The following ADGRV1 variants were observed in gnomAD, a reference collection of about 807,000 sequenced individuals.
The protein encoded by ADGRV1 is G-protein coupled receptor 98.
In ADGRV1, 359 loss-of-function variants were observed where a neutral mutation model predicts 596.2. The observed-to-expected ratio is 0.60, with a 90% CI of 0.55 to 0.66. The LOEUF is 0.66. Among genes scored for constraint, ADGRV1 ranks in the 30% least tolerant of loss-of-function variants. The pLI is 0.00. For missense variants in ADGRV1, 7,274 were observed against 7,575.6 expected (o/e 0.96, Z 1.48); for synonymous variants, 2,681 against 2,679.2 (o/e 1.00, Z -0.02).
At chr5:90,664,043 G>A (rs1291453926) in intron 21 of ADGRV1, among the ~76,000 whole-genome samples, 3 of 136,284 alleles carry the variant, frequency 2.2e-5, no homozygotes, top group African/African-American at 5.7e-5. Context: ...AAGTCAGGTA[G>A]TGTGATGCCT....
intron 75 of ADGRV1, among the ~76,000 whole-genome samples, chr5:90,819,591 G>A (rs1199780916): frequency 5.3e-5 from 8 of 150,798 alleles, no homozygotes; most frequent in African/African-American, 2.0e-4. Context: ...CTTTGAATGT[G>A]TCCCAGAGAT....
intron 83 of ADGRV1, among the ~76,000 whole-genome samples, chr5:90,888,701 A>T (rs1188871267): frequency 6.6e-6 from 1 of 152,022 alleles, no homozygotes; most frequent in African/African-American, 2.4e-5. Flanking sequence ...CTCCTTTCTT[A>T]TCTAGCCATT....
intron 84 of ADGRV1, among the ~76,000 whole-genome samples, chr5:90,975,161 A>T (rs1439081209): frequency 6.6e-6 from 1 of 151,742 alleles, no homozygotes; most frequent in African/African-American, 2.4e-5. Context: ...ATACCATCTC[A>T]CACCAGTTAG....
intron 83 of ADGRV1, among the ~76,000 whole-genome samples, chr5:90,916,536 A>G (rs2150716492): frequency 6.6e-6 from 1 of 152,230 alleles, no homozygotes; most frequent in South Asian, 2.1e-4. Context: ...ATATAGTTTC[A>G]TCCACAGTGT....
At chr5:90,588,523 G>A (rs1759068127) in intron 1 of ADGRV1, among the ~76,000 whole-genome samples, 2 of 152,204 alleles carry the variant, frequency 1.3e-5, no homozygotes, top group South Asian at 4.1e-4. Flanking sequence ...GTCTGAATGT[G>A]GATGAAGCAG....
At chr5:90,814,262 A>T (rs766243575) in intron 74 of ADGRV1, among the ~76,000 whole-genome samples, 2 of 152,238 alleles carry the variant, frequency 1.3e-5, no homozygotes, top group Non-Finnish European at 2.9e-5. Context: ...AAGGGGCTCC[A>T]CATTTACTTT....
At position 90,840,742 on chromosome 5, in the gene ADGRV1, T is replaced by C. The variant is rs774808055; in HGVS notation, c.16776T>C (p.Pro5592=). 3 of 1,614,032 alleles carry C rather than the reference T, an allele frequency of 1.9e-6. No homozygotes were observed. Among genetic ancestry groups the C allele is most frequent in the Non-Finnish European group, 2.5e-6 (3 of 1,179,878 alleles). The change falls in exon 78 of 90, where the codon CCT becomes CCC. Residue 5592 remains proline (P), a synonymous_variant. Coordinates refer to ENST00000405460, the MANE Select transcript of ADGRV1 (RefSeq NM_032119.4). ...TPETGSLNSF[P]KRFQIVLFDP... Reference sequence around the variant, plus strand: ...AGACAGGATCTTTAAATTCATTTCCTAAACGCTTCCAGATTGTCCTTTTTG... The same window carrying C: ...AGACAGGATCTTTAAATTCATTTCCCAAACGCTTCCAGATTGTCCTTTTTG...
chr5:91,063,717 A>T (rs1787646857), intron 85 of ADGRV1, among the ~76,000 whole-genome samples: 1 of 152,196 alleles, frequency 6.6e-6, no homozygotes, highest in Admixed American at 6.5e-5. Flanking sequence ...CTCAAAGAAC[A>T]TGTTTATGTA....
chr5:90,589,631 T>C (rs1460198614), intron 1 of ADGRV1, among the ~76,000 whole-genome samples: 1 of 152,222 alleles, frequency 6.6e-6, no homozygotes, highest in Non-Finnish European at 1.5e-5. Context: ...AGGAGTTCCC[T>C]GTTTGCTTAT....
At chr5:90,714,564 C>T (rs1749827113) in intron 42 of ADGRV1, among the ~76,000 whole-genome samples, 1 of 151,948 alleles carries the variant, frequency 6.6e-6, no homozygotes, top group Non-Finnish European at 1.5e-5. Context: ...ATATTTTCTA[C>T]TATTTTCATT....
intron 21 of ADGRV1, among the ~76,000 whole-genome samples, chr5:90,658,857 A>T (rs1769819270): frequency 6.6e-6 from 1 of 152,046 alleles, no homozygotes. Context: ...TTTCCTGTTC[A>T]GTAATGTGAG....
Position 90,720,003 on chromosome 5 carries a change from A to G in ADGRV1, c.9448-45A>G, listed in dbSNP as rs1423889298. On this transcript the variant is annotated intron_variant, in intron 43 of 89. Coordinates refer to ENST00000405460, the MANE Select transcript of ADGRV1 (RefSeq NM_032119.4). ...TAGATTTCGCTATATATGTGTTACA[A>G]AAATACTGTATTCTAGTAACCTTAT... 3.3e-6 allele frequency: 5 copies of G among 1,518,118 alleles called. No homozygotes were observed. In the East Asian group the frequency reaches 1.1e-4, roughly 34 times the overall value. 94.0% of individuals were successfully genotyped at this position (1,518,118 alleles called of 1,614,324 possible).
At chr5:90,959,922 G>A (rs1434037156) in intron 83 of ADGRV1, among the ~76,000 whole-genome samples, 9 of 152,026 alleles carry the variant, frequency 5.9e-5, no homozygotes, top group South Asian at 2.1e-4. Flanking sequence ...GGCAGATCAC[G>A]AGGTCAGGAG....
At position 90,722,583 on chromosome 5, in the gene ADGRV1, G is replaced by A. The variant is rs559186632; in HGVS notation, c.9748+1524G>A. Among the ~76,000 whole-genome samples the A allele has an allele frequency of 2.2e-4, 33 of 151,114 alleles. No homozygotes were observed. In the South Asian group the frequency reaches 6.3e-3, roughly 29 times the overall value. ...AAAAAAATTAGCCGGGCTTGGTGGC[G>A]CACGCCTATAATCCCAGCTACTTGG... On this transcript the variant is annotated intron_variant, in intron 45 of 89. Coordinates refer to ENST00000405460, the MANE Select transcript of ADGRV1 (RefSeq NM_032119.4).
At chr5:90,771,440 T>C (rs1284426593) in intron 59 of ADGRV1, among the ~76,000 whole-genome samples, 1 of 152,200 alleles carries the variant, frequency 6.6e-6, no homozygotes, top group Non-Finnish European at 1.5e-5. Context: ...GCTCTGAGTA[T>C]TGCATGAAAT....
At chr5:90,981,265 T>G (rs957590104) in intron 84 of ADGRV1, among the ~76,000 whole-genome samples, 1 of 152,154 alleles carries the variant, frequency 6.6e-6, no homozygotes, top group African/African-American at 2.4e-5. Flanking sequence ...AAGATACATT[T>G]TTTGAGGCAT....
chr5:91,114,190 G>T (rs899568400), intron 87 of ADGRV1, among the ~76,000 whole-genome samples: 1 of 152,094 alleles, frequency 6.6e-6, no homozygotes. Flanking sequence ...CTGCACTCCA[G>T]CCTAGGCAAC....
intron 3 of ADGRV1, 79 bp from the exon 4 acceptor site, chr5:90,619,007 G>T: frequency 3.1e-6 from 2 of 654,010 alleles, no homozygotes; most frequent in Non-Finnish European, 4.8e-6. Context: ...ACTACTTGAA[G>T]ACAAATTCTA....
intron 45 of ADGRV1, among the ~76,000 whole-genome samples, chr5:90,723,078 T>G (rs2149787214): frequency 6.6e-6 from 1 of 152,174 alleles, no homozygotes; most frequent in East Asian, 1.9e-4. Context: ...ACCTGGAAAA[T>G]AATTATTATA....
Sources: gnomAD v4.1 joint callset for allele counts (sites outside exome capture counted in the v4.1 genomes callset) on GRCh38, gnomAD v4.1.1 for gene constraint, MANE v1.5 for transcripts, NCBI Gene and HGNC (gene_info 2026-07-23, HGNC 2026-07-21) for gene names.